AMY2B: variants seen among roughly 807,000 people sequenced by gnomAD.
The protein encoded by AMY2B is amylase alpha 2B, also known as alpha-amylase 2B.
In AMY2B, 63 loss-of-function variants were observed where a neutral mutation model predicts 59.3. The observed-to-expected ratio is 1.06, with a 90% confidence interval of 0.87 to 1.31. The LOEUF (loss-of-function observed/expected upper bound fraction) is 1.31. Among genes scored for constraint, AMY2B ranks in the 50% most tolerant of loss-of-function variants. The pLI, the probability that AMY2B is intolerant of heterozygous loss-of-function variation, is 0.00. For synonymous variants in AMY2B, 180 were observed against 198.1 expected (o/e 0.91, Z 0.77); for missense variants, 635 against 626.7 (o/e 1.01, Z -0.14).
chr1:103,566,789 A>G (rs1372362236), upstream of AMY2B, among the ~76,000 whole-genome samples: 1 of 152,188 alleles, frequency 6.6e-6, no homozygotes, highest in Non-Finnish European at 1.5e-5. Context: ...CATGTGTACA[A>G]CACTTTTGCT....
chr1:103,578,765 C>T (rs577580016), intron 9 of AMY2B, among the ~76,000 whole-genome samples: 1 of 148,396 alleles, frequency 6.7e-6, no homozygotes, highest in African/African-American at 2.5e-5. Context: ...ATGTATGCCC[C>T]AAATTCTTTT....
At chr1:103,567,151 G>T (rs1296154790), upstream of AMY2B, among the ~76,000 whole-genome samples, 10 of 152,114 alleles carry the variant, frequency 6.6e-5, no homozygotes, top group Admixed American at 6.6e-4. Flanking sequence ...ATGAGGGTAA[G>T]CTTCATAAAG....
intron 7 of AMY2B, among the ~76,000 whole-genome samples, chr1:103,576,738 C>T (rs879832209): frequency 4.6e-5 from 7 of 152,184 alleles, no homozygotes; most frequent in Non-Finnish European, 8.8e-5. Flanking sequence ...ACGTTCAAGG[C>T]ATTTTCACAT....
At chr1:103,563,310 A>T (rs1381638819) in intron 1 of AMY2B, among the ~76,000 whole-genome samples, 2 of 152,098 alleles carry the variant, frequency 1.3e-5, no homozygotes, top group Non-Finnish European at 2.9e-5. Context: ...TTTGTAGAGC[A>T]TTCTAGGAAG....
chr1:103,564,462 A>G (rs1329038789), intron 1 of AMY2B, among the ~76,000 whole-genome samples: 8 of 151,962 alleles, frequency 5.3e-5, no homozygotes, highest in Non-Finnish European at 8.8e-5. Flanking sequence ...TTCCTTCCCT[A>G]TTTGCTTTTA....
chr1:103,576,913 T>C (rs576394576), intron 7 of AMY2B, among the ~76,000 whole-genome samples: 1 of 152,310 alleles, frequency 6.6e-6, no homozygotes, highest in African/African-American at 2.4e-5. Context: ...CCCATTTCAA[T>C]GACATTGCAT....
At position 103,557,173 on chromosome 1, in the gene AMY2B, T is replaced by C. The variant is rs200717223; in HGVS notation, c.-207+2064T>C. Among the ~76,000 whole-genome samples the C allele has an allele frequency of 3.2e-3, 471 of 147,888 alleles. 4 individuals carry two copies. The highest frequency in any genetic ancestry group is 3.9e-3 in the Non-Finnish European group (261 of 67,086). On this transcript the variant is annotated intron_variant, in intron 1 of 11. Coordinates refer to the AMY2B transcript ENST00000361355. ...GCGCACACACACACACACACACACA[T>C]ACATACATACATACATACACACAAA... is the stretch of plus-strand genomic sequence containing the variant.
chr1:103,575,766 T>A, intron 7 of AMY2B: 5 of 545,026 alleles, frequency 9.2e-6, no homozygotes, highest in Non-Finnish European at 1.1e-5. Flanking sequence ...AACATCCCCC[T>A]AGCCCACAGG....
At chr1:103,572,393 A>T in intron 2 of AMY2B, 137 bp downstream of exon 2, 2 of 1,443,596 alleles carry the variant, frequency 1.4e-6, no homozygotes, top group Non-Finnish European at 1.8e-6. Flanking sequence ...ACTCAAAATT[A>T]ACCGTTGCCT....
chr1:103,575,540 C>T lies in AMY2B; in HGVS notation c.1101C>T (p.Asn367=), dbSNP rs148454896. ...YRWPRQFQNG[N]DVNDWVGPPN... is the part of the protein sequence containing the mutation. ...GGCCAAGACAGTTTCAAAATGGAAACGTAAGTTTTGAAATTGTTCAAACTA... is the reference window on the plus strand; with the variant it reads ...GGCCAAGACAGTTTCAAAATGGAAATGTAAGTTTTGAAATTGTTCAAACTA... Residue 367 remains asparagine, a splice_region_variant and synonymous_variant, in exon 7 of 10, where the codon AAC becomes AAT. Coordinates refer to ENST00000684275, the MANE Select transcript of AMY2B (RefSeq NM_001387437.1). 1.2e-4 allele frequency: 191 copies of T among 1,613,336 alleles called. No homozygotes were observed. Among genetic ancestry groups the T allele is most frequent in the Non-Finnish European group, 1.5e-4 (181 of 1,179,676 alleles).
rs371219365 is a variant in AMY2B at position 103,575,269 on chromosome 1, G to C, written c.925G>C (p.Val309Leu). ...WGFMPSDRAL[V>L]FVDNHDNQRG... The stretch of plus-strand genomic sequence containing the variant: ...TTTCATGCCTTCTGACAGAGCACTT[G>C]TCTTTGTGGATAACCATGACAATCA... The change falls in exon 6 of 10, where the codon GTC becomes CTC. Residue 309 changes from valine to leucine, a missense_variant. Val to Leu is a conservative substitution (Grantham distance 32). Transcript: ENST00000684275. 1.2e-6 allele frequency: 2 copies of C among 1,613,624 alleles called. No individual in the cohort carries two copies. Among genetic ancestry groups the C allele is most frequent in the South Asian group, 2.2e-5 (2 of 91,060 alleles).
chr1:103,563,040 GA>G (rs1396728889), intron 1 of AMY2B, among the ~76,000 whole-genome samples: 1 of 151,856 alleles, frequency 6.6e-6, no homozygotes, highest in African/African-American at 2.4e-5. Flanking sequence ...GATATTGATT[GA>G]AAAAATACTT....
At chr1:103,572,319 C>A (rs1333032072) in intron 2 of AMY2B, 63 bp downstream of exon 2, 5 of 1,573,392 alleles carry the variant, frequency 3.2e-6, no homozygotes, top group Non-Finnish European at 4.3e-6. Flanking sequence ...TCTCTTCTTT[C>A]TTGCTCCTTT....
chr1:103,579,444 A>G lies in AMY2B; in HGVS notation c.1480A>G (p.Ile494Val), dbSNP rs778128001. 10 of 1,611,646 alleles carry G rather than the reference A, an allele frequency of 6.2e-6. No individual in the cohort carries two copies. The highest frequency in any genetic ancestry group is 8.5e-6 in the Non-Finnish European group (10 of 1,179,700). The change falls in exon 10 of 10, where the codon ATT (isoleucine) becomes GTT (valine). Residue 494 changes from isoleucine (I) to valine (V), a missense_variant. Coordinates refer to ENST00000684275, the MANE Select transcript of AMY2B (RefSeq NM_001387437.1). ...VSDDGKAHFS[I>V]SNSAEDPFIA... ...TGACGATGGCAAAGCTCATTTTTCT[A>G]TTAGTAACTCTGCTGAGGATCCATT... is the stretch of plus-strand genomic sequence containing the variant.
intron 9 of AMY2B, 23 bp from the exon 10 acceptor site, chr1:103,579,288 A>C (rs762684061): frequency 1.9e-6 from 3 of 1,611,628 alleles, no homozygotes; most frequent in Non-Finnish European, 2.5e-6. Context: ...TATTGAAGTT[A>C]AATCTGAAAT....
chr1:103,570,546 G>C (rs1652086486), upstream of AMY2B: 1 of 607,186 alleles, frequency 1.6e-6, no homozygotes, highest in South Asian at 1.4e-5. Flanking sequence ...CGCATCCCCA[G>C]AGCACAAGTA....
At chr1:103,576,459 TC>T (rs1382374868) in intron 7 of AMY2B, among the ~76,000 whole-genome samples, 5 of 152,174 alleles carry the variant, frequency 3.3e-5, no homozygotes, top group Non-Finnish European at 5.9e-5. Flanking sequence ...ATTTTTTCTA[TC>T]ACTATAACTT....
intron 1 of AMY2B, among the ~76,000 whole-genome samples, chr1:103,559,112 C>T (rs1012107490): frequency 3.1e-4 from 47 of 152,080 alleles, no homozygotes; most frequent in Non-Finnish European, 4.7e-4. Flanking sequence ...TATGGAGGGA[C>T]GAGGAACCAC....
chr1:103,569,797 A>G, upstream of AMY2B: 1 of 452,526 alleles, frequency 2.2e-6, no homozygotes, highest in Non-Finnish European at 4.5e-6. Context: ...GGGATGACAT[A>G]GAGAAGATCT....
Sources: allele counts gnomAD v4.1 joint callset (sites outside exome capture counted in the v4.1 genomes callset), GRCh38; gene constraint gnomAD v4.1.1; transcripts MANE v1.5; gene names NCBI Gene and HGNC (gene_info 2026-07-23, HGNC 2026-07-21).